DENND4A: variants seen among roughly 807,000 people sequenced by gnomAD.
DENND4A encodes the protein DENN domain containing 4A.
DENND4A carries 70 observed loss-of-function variants against 199.3 expected under a neutral mutation model. That is an observed-to-expected ratio of 0.35 (90% CI 0.29 to 0.43). The LOEUF is 0.43. DENND4A is among the 20% of genes least tolerant of loss of function. DENND4A has a pLI of 1.00. For synonymous variants in DENND4A, 686 were observed against 766.9 expected, an observed-to-expected ratio of 0.89 and a Z score of 1.74; for missense variants, 1,723 against 2,255.8, an observed-to-expected ratio of 0.76 and a Z score of 4.78.
rs190971544 is a variant in DENND4A, at chr15:65,773,224, G to A, written c.-101-11786C>T. On this transcript the variant is annotated intron_variant, in intron 1 of 32. Coordinates refer to ENST00000443035, the MANE Select transcript of DENND4A (RefSeq NM_001320835.1). ...GTCATTTCTGTAAGCCAACCAATATGCTTCCAATAAATTCCTTTTCTTTTG... is the reference window on the plus strand; with the variant it reads ...GTCATTTCTGTAAGCCAACCAATATACTTCCAATAAATTCCTTTTCTTTTG... 1.5e-3 allele frequency among the ~76,000 whole-genome samples: 234 copies of A among 152,180 alleles called. 2 individuals carry two copies. The highest frequency in any genetic ancestry group is 1.6e-3 in the Non-Finnish European group (109 of 68,016).
At chr15:65,704,131 T>A (rs2074967753) in intron 15 of DENND4A, among the ~76,000 whole-genome samples, 1 of 152,160 alleles carries the variant, frequency 6.6e-6, no homozygotes, top group African/African-American at 2.4e-5. Flanking sequence ...CTTAAAAAAT[T>A]CATTGTATGT....
At chr15:65,786,192 C>G (rs1352512842) in intron 1 of DENND4A, among the ~76,000 whole-genome samples, 1 of 152,014 alleles carries the variant, frequency 6.6e-6, no homozygotes, top group African/African-American at 2.4e-5. Flanking sequence ...AAATGCTCAT[C>G]AATAGAAGAA....
Position 65,728,868 on chromosome 15 carries a change from C to T in DENND4A, c.1487+204G>A, listed in dbSNP as rs751264092. ...AAAGCCTGAGGATGAAAGGTATAGT[C>T]CTTCCAACAAAACCTTCTTTAATAC... is the stretch of plus-strand genomic sequence containing the variant. On this transcript the variant is annotated intron_variant, in intron 11 of 32. Transcript: ENST00000443035. 37 of 609,476 alleles carry T rather than the reference C, an allele frequency of 6.1e-5. No individual in the cohort carries two copies. In the Admixed American group the frequency reaches 7.2e-4, roughly 12 times the overall value. The allele number at this position is 609,476 out of a possible 1,614,324, so 37.8% of individuals were successfully genotyped here.
At chr15:65,730,903 C>T (rs1567054668) in intron 9 of DENND4A, among the ~76,000 whole-genome samples, 1 of 152,022 alleles carries the variant, frequency 6.6e-6, no homozygotes, top group Non-Finnish European at 1.5e-5. Context: ...CTCAATAAAG[C>T]TGTTACCTAA....
chr15:65,773,286 C>A (rs549163089), intron 1 of DENND4A, among the ~76,000 whole-genome samples: 1 of 152,242 alleles, frequency 6.6e-6, no homozygotes, highest in East Asian at 1.9e-4. Flanking sequence ...TAATTTGCAA[C>A]CAAGAATCCT....
chr15:65,782,777 A>G (rs1227935349), intron 1 of DENND4A, among the ~76,000 whole-genome samples: 1 of 152,234 alleles, frequency 6.6e-6, no homozygotes. Flanking sequence ...TAAGCTTTCA[A>G]ATATTATTAC....
intron 11 of DENND4A, among the ~76,000 whole-genome samples, chr15:65,724,980 C>T (rs897145309): frequency 2.6e-5 from 4 of 152,212 alleles, no homozygotes; most frequent in Admixed American, 6.5e-5. Flanking sequence ...ATGTTTGTGG[C>T]GTAAATGAAT....
chr15:65,665,428 T>C lies in DENND4A; in HGVS notation c.5276A>G (p.Tyr1759Cys). Residue 1759 changes from tyrosine (Y) to cysteine (C), a missense_variant, in exon 30 of 33, where the codon TAT (tyrosine) becomes TGT (cysteine). Around this residue, in one of 6 missense-constraint regions of DENND4A, gnomAD observed 164 missense variants for 280.1 expected, o/e 0.59. Coordinates refer to ENST00000443035, the MANE Select transcript of DENND4A (RefSeq NM_001320835.1). ...PRHCMSEDSK[Y>C]VLIQMLWDNM... Reference sequence around the variant, plus strand: ...GTCCCATAACATTTGTATTAAAACATATTTGCTATCTTCAGACATACAGTG... The same window carrying C: ...GTCCCATAACATTTGTATTAAAACACATTTGCTATCTTCAGACATACAGTG... 6.2e-7 allele frequency: 1 copy of C among 1,613,442 alleles called. No homozygotes were observed. Among genetic ancestry groups the C allele is most frequent in the Non-Finnish European group, 8.5e-7 (1 of 1,179,532 alleles).
At chr15:65,682,695 A>G (rs1435597371) in intron 23 of DENND4A, among the ~76,000 whole-genome samples, 1 of 152,182 alleles carries the variant, frequency 6.6e-6, no homozygotes, top group Non-Finnish European at 1.5e-5. Context: ...GGCTTTTGAC[A>G]TACCTTCCTC....
rs2074831992 is a variant in DENND4A at position 65,700,577 on chromosome 15, T to C, written c.2800A>G (p.Lys934Glu). The C allele has an allele frequency of 6.5e-7, 1 of 1,543,060 alleles. No individual in the cohort carries two copies. Among genetic ancestry groups the C allele is most frequent in the Non-Finnish European group, 8.7e-7 (1 of 1,142,956 alleles). The change falls in exon 20 of 33, where the codon AAA becomes GAA. Residue 934 changes from lysine (K) to glutamate (E), a missense_variant. Around this residue, in one of 6 missense-constraint regions of DENND4A, gnomAD observed 650 missense variants for 738.1 expected, o/e 0.88. Coordinates refer to ENST00000443035, the MANE Select transcript of DENND4A (RefSeq NM_001320835.1). ...GATCTATCATCAGTAGCATATACTT[T>C]GATTAAACCCGTATTAAAAGGTGCC... Reference protein sequence around the residue: ...EQAPFNTGLIKVYATDDRSST... With the variant: ...EQAPFNTGLIEVYATDDRSST...
intron 20 of DENND4A, 115 bp from the exon 21 acceptor site, chr15:65,697,498 C>A: frequency 1.6e-6 from 1 of 642,486 alleles, no homozygotes; most frequent in South Asian, 1.9e-5. Flanking sequence ...TTCTGGACAA[C>A]TTCCAACTTA....
intron 29 of DENND4A, among the ~76,000 whole-genome samples, chr15:65,665,951 A>G (rs542739468): frequency 6.6e-6 from 1 of 152,356 alleles, no homozygotes; most frequent in South Asian, 2.1e-4. Context: ...ATGAAAAAGT[A>G]AAGACACTTT....
chr15:65,731,338 G>A (rs2075950686), intron 9 of DENND4A: 1 of 412,734 alleles, frequency 2.4e-6, no homozygotes, highest in Non-Finnish European at 4.8e-6. Context: ...ATGTTCTTCA[G>A]AGGTTAATTA....
At chr15:65,765,098 G>T (rs1325068389) in intron 1 of DENND4A, among the ~76,000 whole-genome samples, 1 of 150,962 alleles carries the variant, frequency 6.6e-6, no homozygotes, top group African/African-American at 2.4e-5. Flanking sequence ...TCCATGAATT[G>T]TACGAAAAAA....
intron 12 of DENND4A, among the ~76,000 whole-genome samples, chr15:65,720,354 T>C (rs1400448009): frequency 6.6e-6 from 1 of 152,050 alleles, no homozygotes; most frequent in Non-Finnish European, 1.5e-5. Flanking sequence ...GGAGTTCTTA[T>C]TGTCTAAAAA....
At position 65,722,894 on chromosome 15, in the gene DENND4A, T is replaced by C. The variant is rs762424095; in HGVS notation, c.1542A>G (p.Lys514=). ...AATTATTCAGTGTGTTCATCAGATT[T>C]TTACATGGCTTCTTTGGAAGTATCT... ...AWKILPKKPC[K]NLMNTLNNLH... The change falls in exon 12 of 33, where the codon AAA becomes AAG. Residue 514 remains lysine, a synonymous_variant. Transcript: ENST00000443035. The C allele has an allele frequency of 1.2e-5, 20 of 1,610,348 alleles. No homozygotes were observed. In the South Asian group the frequency reaches 2.1e-4, roughly 17 times the overall value.
intron 23 of DENND4A, among the ~76,000 whole-genome samples, chr15:65,679,827 G>GGGTA (rs374832388): frequency 6.7e-4 from 102 of 152,114 alleles, no homozygotes; most frequent in East Asian, 1.2e-3. Flanking sequence ...GTGCCTGGAT[G>GGGTA]GGTAATTGGA....
At chr15:65,778,936 A>C (rs1168601996) in intron 1 of DENND4A, among the ~76,000 whole-genome samples, 1 of 150,170 alleles carries the variant, frequency 6.7e-6, no homozygotes. Context: ...AGCTCAGAGG[A>C]GGCCAACATG....
intron 23 of DENND4A, among the ~76,000 whole-genome samples, chr15:65,679,719 G>C (rs939620639): frequency 1.3e-5 from 2 of 151,620 alleles, no homozygotes; most frequent in African/African-American, 2.4e-5. Flanking sequence ...TCTAGAGATG[G>C]GGTTTTGCCA....
Sources: gnomAD v4.1 joint callset for allele counts (sites outside exome capture counted in the v4.1 genomes callset) on GRCh38, gnomAD v4.1.1 for gene constraint, gnomAD v4.1.1 regional missense constraint, MANE v1.5 for transcripts, NCBI Gene and HGNC (gene_info 2026-07-23, HGNC 2026-07-21) for gene names.